The following IFIH1 variants were observed in gnomAD, a reference collection of about 807,000 sequenced individuals.
IFIH1 encodes interferon induced with helicase C domain 1.
In IFIH1, 125 loss-of-function variants were observed where a neutral mutation model predicts 107.4. That is an observed-to-expected ratio of 1.16 (90% CI 1.01 to 1.35). The LOEUF (loss-of-function observed/expected upper bound fraction) is 1.35, where lower values mean the gene tolerates loss of function less well. Among genes scored for constraint, IFIH1 ranks in the 40% most tolerant of loss-of-function variants. The pLI is 0.00. For synonymous variants in IFIH1, 458 were observed against 413.2 expected (o/e 1.11, Z -1.31); for missense variants, 1,333 against 1,213.7 (o/e 1.10, Z -1.46).
chr2:162,301,990 A>T (rs2105222022), intron 3 of IFIH1, among the ~76,000 whole-genome samples: 1 of 152,326 alleles, frequency 6.6e-6, no homozygotes, highest in African/African-American at 2.4e-5. Flanking sequence ...TTTTTTAATG[A>T]GAAGCAATTG....
At chr2:162,286,885 G>A (rs994553034) in intron 5 of IFIH1, among the ~76,000 whole-genome samples, 4 of 152,032 alleles carry the variant, frequency 2.6e-5, no homozygotes, top group African/African-American at 7.2e-5. Context: ...TGAAATTTCA[G>A]AGCAGGGTAG....
At chr2:162,290,808 T>C (rs1682983732) in intron 4 of IFIH1, among the ~76,000 whole-genome samples, 1 of 151,832 alleles carries the variant, frequency 6.6e-6, no homozygotes, top group South Asian at 2.1e-4. Context: ...GAGACTAGCA[T>C]CCAAAGAATA....
intron 5 of IFIH1, 21 bp downstream of exon 5, chr2:162,288,114 T>G (rs778021612): frequency 6.9e-7 from 1 of 1,445,244 alleles, no homozygotes. Context: ...GATCAACTAG[T>G]GTTATGTGTT....
intron 4 of IFIH1, among the ~76,000 whole-genome samples, chr2:162,291,682 G>A (rs937864048): frequency 6.6e-6 from 1 of 151,792 alleles, no homozygotes; most frequent in African/African-American, 2.4e-5. Flanking sequence ...CCCTTTTGAT[G>A]TCAACTTCAA....
chr2:162,281,327 C>A lies in IFIH1; in HGVS notation c.1524+1G>T, dbSNP rs898118498. The stretch of plus-strand genomic sequence containing the variant: ...TGGTTATACATAAAATTATGACTTA[C>A]TTTTAAAATGTGTTCTTCAGCTTTG... On this transcript the variant is annotated splice_donor_variant, in intron 7 of 15. Coordinates refer to ENST00000649979, the MANE Select transcript of IFIH1 (RefSeq NM_022168.4). LOFTEE classifies it high-confidence loss of function. 3.7e-6 allele frequency: 6 copies of A among 1,608,696 alleles called. No individual in the cohort carries two copies. The highest frequency in any genetic ancestry group is 3.4e-6 in the Non-Finnish European group (4 of 1,176,202).
Position 162,288,201 on chromosome 2 carries a change from G to A in IFIH1, c.1029C>T (p.Ala343=). The change falls in exon 5 of 16, where the codon GCC becomes GCT. Residue 343 remains alanine, a synonymous_variant. Transcript: ENST00000649979. ...SGKTRVAVYI[A]KDHLDKKKKA... is the part of the protein sequence containing the mutation. ...TTTTCTTCTTGTCTAAGTGATCCTTGGCAATGTAAACAGCCACTCTGGTTT... is the reference window on the plus strand; with the variant it reads ...TTTTCTTCTTGTCTAAGTGATCCTTAGCAATGTAAACAGCCACTCTGGTTT... The A allele has an allele frequency of 6.2e-7, 1 of 1,612,508 alleles. No individual in the cohort carries two copies. Among genetic ancestry groups the A allele is most frequent in the Non-Finnish European group, 8.5e-7 (1 of 1,179,164 alleles).
At chr2:162,314,915 T>G (rs1683461147) in intron 1 of IFIH1, among the ~76,000 whole-genome samples, 1 of 152,206 alleles carries the variant, frequency 6.6e-6, no homozygotes, top group Non-Finnish European at 1.5e-5. Context: ...AAGATGCCAC[T>G]CAATAAATTC....
chr2:162,317,876 C>A lies in IFIH1; in HGVS notation c.432G>T (p.Leu144Phe), dbSNP rs1357623303. ...CTACCCGGTTTCTGTCTTCAATTGTCAACAGTTCCTCCTCCATGCACTTAT... is the reference window on the plus strand; with the variant it reads ...CTACCCGGTTTCTGTCTTCAATTGTAAACAGTTCCTCCTCCATGCACTTAT... ...VLDKCMEEEL[L>F]TIEDRNRIAA... Residue 144 changes from leucine (L) to phenylalanine (F), a missense_variant, in exon 1 of 16, where the codon TTG (leucine) becomes TTT (phenylalanine). Transcript: ENST00000649979. 6.3e-7 allele frequency: 1 copy of A among 1,590,150 alleles called. No homozygotes were observed.
rs1402015172 is a variant in IFIH1 at position 162,316,698 on chromosome 2, A to G, written c.453+1157T>C. 4.1e-4 allele frequency among the ~76,000 whole-genome samples: 62 copies of G among 152,180 alleles called. 1 individual carries two copies. Among genetic ancestry groups the G allele is most frequent in the Non-Finnish European group, 7.3e-5 (5 of 68,030 alleles). On this transcript the variant is annotated intron_variant, in intron 1 of 15. Transcript: ENST00000649979. ...TGAAAATCATAGAGTGGTGTAGACA[A>G]AGCCTTTGACTTTTAGTCATGGCTT...
intron 3 of IFIH1, among the ~76,000 whole-genome samples, chr2:162,305,769 G>A (rs1433292274): frequency 6.6e-6 from 1 of 152,044 alleles, no homozygotes; most frequent in Non-Finnish European, 1.5e-5. Flanking sequence ...TTCAGGCAAA[G>A]GTTGTAAGTA....
intron 11 of IFIH1, among the ~76,000 whole-genome samples, chr2:162,276,420 T>C (rs879923461): frequency 6.6e-6 from 1 of 152,012 alleles, no homozygotes; most frequent in Non-Finnish European, 1.5e-5. Context: ...CAGGACAACA[T>C]AGTGGGACAC....
chr2:162,298,868 G>A (rs1261783785), intron 3 of IFIH1, among the ~76,000 whole-genome samples: 2 of 151,780 alleles, frequency 1.3e-5, no homozygotes, highest in Non-Finnish European at 2.9e-5. Flanking sequence ...TGTTCCCACA[G>A]AATGGAGAGA....
chr2:162,277,611 T>C lies in IFIH1; in HGVS notation c.1848A>G (p.Thr616=). 6.2e-7 allele frequency: 1 copy of C among 1,613,354 alleles called. No homozygotes were observed. ...GAGTATACGCATCTATCATTCGAAT[T>C]GTGTCATTAATTTGTAGGGCCTCAT... ...KYNEALQIND[T]IRMIDAYTHL... The change falls in exon 10 of 16, where the codon ACA becomes ACG. Residue 616 remains threonine (T), a synonymous_variant. Transcript: ENST00000649979.
chr2:162,313,423 A>G (rs1236994482), intron 1 of IFIH1, among the ~76,000 whole-genome samples: 5 of 152,226 alleles, frequency 3.3e-5, no homozygotes. Context: ...GTAGTCTATT[A>G]ATACATTGTT....
rs777181080 is a variant in IFIH1 at position 162,276,861 on chromosome 2, C to T, written c.2130G>A (p.Glu710=). The T allele has an allele frequency of 9.9e-6, 16 of 1,613,546 alleles. No homozygotes were observed. The highest frequency in any genetic ancestry group is 1.4e-5 in the Non-Finnish European group (16 of 1,179,730). The change falls in exon 11 of 16, where the codon GAG becomes GAA. Residue 710 remains glutamate (E), a synonymous_variant. Transcript: ENST00000649979. ...CTGATTCCTCAGTCCTAGTATATTG[C>T]TCCATTATGGTATTTCTTAATTTGG... is the stretch of plus-strand genomic sequence containing the variant. The part of the protein sequence containing the change: ...KLTKLRNTIM[E]QYTRTEESAR...
Position 162,284,523 on chromosome 2 carries a change from G to A in IFIH1, c.1096-1947C>T, listed in dbSNP as rs187838041. 1.1e-4 allele frequency among the ~76,000 whole-genome samples: 16 copies of A among 152,088 alleles called. No homozygotes were observed. The East Asian group carries it at 2.7e-3, about 26-fold the overall frequency. ...TTCACCAATCCTTTTATTCTAGAAG[G>A]AGGGTGCAGTGGCAAAGGAAGACCA... is the stretch of plus-strand genomic sequence containing the variant. On this transcript the variant is annotated intron_variant, in intron 5 of 15. Coordinates refer to ENST00000649979, the MANE Select transcript of IFIH1 (RefSeq NM_022168.4).
chr2:162,288,618 T>C (rs542281745), intron 4 of IFIH1, among the ~76,000 whole-genome samples: 3 of 151,892 alleles, frequency 2.0e-5, no homozygotes, highest in South Asian at 4.2e-4. Flanking sequence ...AGGAGCAACA[T>C]GGGGGAGTGT....
intron 2 of IFIH1, among the ~76,000 whole-genome samples, chr2:162,308,567 G>A (rs567891438): frequency 1.3e-4 from 20 of 152,080 alleles, no homozygotes; most frequent in African/African-American, 4.3e-4. Flanking sequence ...TAGTAGAGAT[G>A]CGGTTTCGCC....
At chr2:162,293,704 A>G (rs751964067) in intron 3 of IFIH1, 36 bp from the exon 4 acceptor site, 9 of 1,385,662 alleles carry the variant, frequency 6.5e-6, no homozygotes, top group Non-Finnish European at 9.2e-6. Context: ...TTTTTAAAAT[A>G]TTTCTGAGAA....
Sources: gnomAD v4.1 joint callset for allele counts (sites outside exome capture counted in the v4.1 genomes callset) on GRCh38, gnomAD v4.1.1 for gene constraint, MANE v1.5 for transcripts, NCBI Gene and HGNC (gene_info 2026-07-23, HGNC 2026-07-21) for gene names.